FAF1: variants seen among roughly 807,000 people sequenced by gnomAD.
FAF1 encodes the protein FAS-associated factor 1.
A neutral mutation model predicts 92.5 loss-of-function variants in FAF1; 25 were observed. That is an observed-to-expected ratio of 0.27 (90% confidence interval 0.20 to 0.38). The LOEUF is 0.38. Ranked by LOEUF, FAF1 falls within the 10% of genes least tolerant of loss-of-function variation. FAF1 has a pLI of 1.00. For synonymous variants in FAF1, 234 were observed against 273.2 expected, an observed-to-expected ratio of 0.86 and a Z score of 1.42; for missense variants, 636 against 793.3, an observed-to-expected ratio of 0.80 and a Z score of 2.38.
chr1:50,490,630 A>C lies in FAF1; in HGVS notation c.1611T>G (p.Phe537Leu). ...EAHEREMAEQ[F>L]RLEQIRKEQE... ...GTTCTTTGCGAATCTGCTCCAAACGAAACTGTTCTGCCATCTCTCTCTCGT... is the reference window on the plus strand; with the variant it reads ...GTTCTTTGCGAATCTGCTCCAAACGCAACTGTTCTGCCATCTCTCTCTCGT... The change falls in exon 17 of 19, where the codon TTT becomes TTG. Residue 537 changes from phenylalanine (F) to leucine (L), a missense_variant. Transcript: ENST00000396153. The C allele has an allele frequency of 6.2e-7, 1 of 1,613,476 alleles. No homozygotes were observed. Among genetic ancestry groups the C allele is most frequent in the Non-Finnish European group, 8.5e-7 (1 of 1,179,372 alleles).
intron 17 of FAF1, among the ~76,000 whole-genome samples, chr1:50,481,271 C>A (rs945765634): frequency 2.0e-5 from 3 of 152,118 alleles, no homozygotes; most frequent in Admixed American, 1.3e-4. Flanking sequence ...ATGTCCTAGG[C>A]CTTCATATTC....
intron 8 of FAF1, among the ~76,000 whole-genome samples, chr1:50,645,944 C>A (rs1047052135): frequency 3.9e-5 from 6 of 152,098 alleles, no homozygotes; most frequent in Non-Finnish European, 7.4e-5. Flanking sequence ...TAACTGTCAA[C>A]CCCTGCATTA....
intron 8 of FAF1, among the ~76,000 whole-genome samples, chr1:50,640,418 G>A (rs528759486): frequency 1.3e-5 from 2 of 151,654 alleles, no homozygotes; most frequent in African/African-American, 4.8e-5. Context: ...CCAGCCTCCT[G>A]AGTAGCTGGG....
intron 15 of FAF1, among the ~76,000 whole-genome samples, chr1:50,527,868 C>CCTCTCTCTCTCTCTCTCTCTCT (rs1332650562): frequency 2.6e-4 from 15 of 57,156 alleles, no homozygotes; most frequent in South Asian, 4.7e-4. Flanking sequence ...TCCCTCTCTC[C>CCTCTCTCTCTCTCTCTCTCTCT]CTCTCTCTCT....
chr1:50,621,178 G>A (rs945790388), intron 8 of FAF1, among the ~76,000 whole-genome samples: 1 of 152,150 alleles, frequency 6.6e-6, no homozygotes, highest in Non-Finnish European at 1.5e-5. Context: ...CTCAGGGTGG[G>A]GTTATGGCTG....
chr1:50,503,486 T>C (rs1422307708), intron 15 of FAF1, among the ~76,000 whole-genome samples: 1 of 151,886 alleles, frequency 6.6e-6, no homozygotes, highest in Non-Finnish European at 1.5e-5. Flanking sequence ...CTGGGTGTAG[T>C]AGTGTGTGTC....
chr1:50,657,211 C>CA (rs1174965773), intron 7 of FAF1, among the ~76,000 whole-genome samples: 10 of 147,746 alleles, frequency 6.8e-5, no homozygotes, highest in East Asian at 1.9e-4. Flanking sequence ...GACCCTGTCT[C>CA]AAAAAAAAGA....
intron 15 of FAF1, among the ~76,000 whole-genome samples, chr1:50,495,891 T>A (rs1320568986): frequency 1.3e-5 from 2 of 152,110 alleles, no homozygotes; most frequent in African/African-American, 2.4e-5. Flanking sequence ...TAAAGCCTGG[T>A]TTTTCCCCAC....
intron 1 of FAF1, among the ~76,000 whole-genome samples, chr1:50,875,958 G>C (rs1346754370): frequency 6.6e-6 from 1 of 152,130 alleles, no homozygotes; most frequent in Non-Finnish European, 1.5e-5. Flanking sequence ...AATTTCGTAT[G>C]TGTGTTTTTG....
chr1:50,743,286 A>C (rs1659458001), intron 5 of FAF1, among the ~76,000 whole-genome samples: 1 of 152,340 alleles, frequency 6.6e-6, no homozygotes, highest in South Asian at 2.1e-4. Flanking sequence ...TTCACGAAGA[A>C]GAACTGAACC....
chr1:50,674,833 G>A (rs972919906), intron 7 of FAF1, among the ~76,000 whole-genome samples: 2 of 151,820 alleles, frequency 1.3e-5, no homozygotes, highest in African/African-American at 4.9e-5. Context: ...TATTGCTAGA[G>A]CAATGCTAAA....
chr1:50,883,660 A>T (rs1644632233), intron 1 of FAF1, among the ~76,000 whole-genome samples: 1 of 152,198 alleles, frequency 6.6e-6, no homozygotes, highest in Non-Finnish European at 1.5e-5. Flanking sequence ...TTCCACACTA[A>T]AAGAGACTAA....
intron 1 of FAF1, among the ~76,000 whole-genome samples, chr1:50,937,966 T>A (rs12090505): frequency 0.02 from 3,056 of 152,304 alleles, 102 homozygotes; most frequent in African/African-American, 0.071. Context: ...CATTTAAATA[T>A]CTGTTGAATA....
chr1:50,634,105 GTTGA>G (rs1420608946), intron 8 of FAF1, among the ~76,000 whole-genome samples: 2 of 152,162 alleles, frequency 1.3e-5, no homozygotes, highest in Non-Finnish European at 2.9e-5. Flanking sequence ...TGATTTGACT[GTTGA>G]TTAAGTCACC....
intron 4 of FAF1, among the ~76,000 whole-genome samples, chr1:50,759,296 C>T (rs1319725450): frequency 1.9e-5 from 2 of 107,150 alleles, no homozygotes; most frequent in Non-Finnish European, 3.7e-5. Context: ...GTTATCCCTC[C>T]CCCCTCCCCC....
In FAF1 at chr1:50,911,850, T is replaced by C. The variant is rs572461288; in HGVS notation, c.45+47917A>G. On this transcript the variant is annotated intron_variant, in intron 1 of 18. Transcript: ENST00000396153. ...GAGTTCAAGACCAGCCTGGGCAACA[T>C]GACGAAACCCCATGTCTACAAAAAA... Among the ~76,000 whole-genome samples, 72 of 152,106 alleles carry C rather than the reference T, an allele frequency of 4.7e-4. 1 individual carries two copies. Among genetic ancestry groups the C allele is most frequent in the Non-Finnish European group, 7.9e-4 (54 of 67,976 alleles).
In FAF1 at chr1:50,738,884, G is replaced by C; in HGVS notation, c.530C>G (p.Pro177Arg). The stretch of plus-strand genomic sequence containing the variant: ...TTACCCAGCATGACTAGATGATGAA[G>C]GTGGTGGCAAATCTGGTGTAAGGAC... Reference protein sequence around the residue: ...LYVLTPDLPPPSSSSHAGALQ... With the variant: ...LYVLTPDLPPRSSSSHAGALQ... Residue 177 changes from proline to arginine, a missense_variant, in exon 6 of 19, where the codon CCT becomes CGT. Around this residue, in one of 2 missense-constraint regions of FAF1, gnomAD observed 317 missense variants for 342.4 expected, o/e 0.93. Transcript: ENST00000396153. 1.2e-6 allele frequency: 2 copies of C among 1,607,356 alleles called. No individual in the cohort carries two copies. Among genetic ancestry groups the C allele is most frequent in the South Asian group, 2.2e-5 (2 of 90,476 alleles).
chr1:50,611,502 A>G (rs1652682345), intron 8 of FAF1, among the ~76,000 whole-genome samples: 2 of 152,206 alleles, frequency 1.3e-5, no homozygotes, highest in East Asian at 3.9e-4. Context: ...CTAATTGTGG[A>G]TCTTGAGTTA....
chr1:50,742,831 G>A (rs1004262458), intron 5 of FAF1, among the ~76,000 whole-genome samples: 17 of 152,304 alleles, frequency 1.1e-4, no homozygotes, highest in East Asian at 3.9e-4. Context: ...CAGCAGCAGC[G>A]GGGGATAGCA....
Sources: gnomAD v4.1 joint callset for allele counts (sites outside exome capture counted in the v4.1 genomes callset) on GRCh38, gnomAD v4.1.1 for gene constraint, gnomAD v4.1.1 regional missense constraint, MANE v1.5 for transcripts, NCBI Gene and HGNC (gene_info 2026-07-23, HGNC 2026-07-21) for gene names.